Variants in PER3 observed in about 807,000 individuals in gnomAD.
PER3 encodes the protein period circadian protein homolog 3.
PER3 carries 107 observed loss-of-function variants against 127.2 expected under a neutral mutation model. That is an observed-to-expected ratio of 0.84 (90% CI 0.72 to 0.99). The LOEUF is 0.99. PER3 is among the 50% of genes least tolerant of loss of function. The pLI, the probability that PER3 is intolerant of heterozygous loss-of-function variation, is 0.00. For missense variants in PER3, 1,560 were observed against 1,525.8 expected (o/e 1.02, Z -0.37); for synonymous variants, 618 against 585.8 (o/e 1.05, Z -0.79).
chr1:7,805,488 G>A (rs1411182719), intron 10 of PER3, among the ~76,000 whole-genome samples: 2 of 152,144 alleles, frequency 1.3e-5, no homozygotes, highest in African/African-American at 4.8e-5. Context: ...AGCACGTGTA[G>A]AACTTAATGG....
At chr1:7,803,582 A>G in intron 9 of PER3, 110 bp from the exon 10 acceptor site, 1 of 703,622 alleles carries the variant, frequency 1.4e-6, no homozygotes, top group Non-Finnish European at 2.3e-6. Flanking sequence ...AGCGAGACTC[A>G]ATCTCAAAAA....
At chr1:7,835,166 G>A (rs1402203882) in intron 19 of PER3, among the ~76,000 whole-genome samples, 1 of 152,194 alleles carries the variant, frequency 6.6e-6, no homozygotes, top group Admixed American at 6.5e-5. Context: ...CCAGAGAACT[G>A]TAGCAGGATT....
chr1:7,809,320 A>G (rs228667), intron 11 of PER3, among the ~76,000 whole-genome samples: 11,336 of 152,308 alleles, frequency 0.074, 527 homozygotes, highest in Middle Eastern at 0.13. Flanking sequence ...TCAGTTTTAA[A>G]GATGGGAGGA....
intron 10 of PER3, 144 bp from the exon 11 acceptor site, chr1:7,808,749 A>G: frequency 1.6e-6 from 1 of 626,490 alleles, no homozygotes; most frequent in Non-Finnish European, 2.9e-6. Flanking sequence ...ACCTTCATGA[A>G]TAGAATTCTA....
intron 4 of PER3, 94 bp from the exon 5 acceptor site, chr1:7,787,950 CT>C: frequency 3.5e-6 from 3 of 856,708 alleles, no homozygotes; most frequent in Non-Finnish European, 5.9e-6. Flanking sequence ...TTTTAAGATA[CT>C]GGTCATGTTA....
At chr1:7,821,081 A>G (rs2097274380) in intron 16 of PER3, among the ~76,000 whole-genome samples, 1 of 152,232 alleles carries the variant, frequency 6.6e-6, no homozygotes, top group Admixed American at 6.5e-5. Flanking sequence ...TGTGATGGCA[A>G]TGAATAGAGT....
Position 7,826,686 on chromosome 1 carries a change from A to C in PER3, c.2164A>C (p.Lys722Gln). Residue 722 changes from lysine (K) to glutamine (Q), a missense_variant, in exon 17 of 22, where the codon AAA becomes CAA. Around this residue, in one of 3 missense-constraint regions of PER3, gnomAD observed 1,332 missense variants for 1,223.6 expected, o/e 1.09. Coordinates refer to ENST00000377532, the MANE Select transcript of PER3 (RefSeq NM_001377275.1). The surrounding 1 kb of genome is among the most constrained non-coding windows in gnomAD (Gnocchi z 4.2). ...SSYLQQESRS[K>Q]AKYSYFQGDS... Reference sequence around the variant, plus strand: ...CTATCTTCAGCAAGAAAGCAGGAGCAAAGCTAAATATTCATATTTTCAAGG... The same window carrying C: ...CTATCTTCAGCAAGAAAGCAGGAGCCAAGCTAAATATTCATATTTTCAAGG... The C allele has an allele frequency of 1.9e-6, 3 of 1,603,912 alleles. No individual in the cohort carries two copies. Among genetic ancestry groups the C allele is most frequent in the Non-Finnish European group, 2.6e-6 (3 of 1,170,606 alleles).
At chr1:7,786,451 A>G (rs972354588) in intron 3 of PER3, among the ~76,000 whole-genome samples, 1 of 152,020 alleles carries the variant, frequency 6.6e-6, no homozygotes, top group East Asian at 1.9e-4. Context: ...TCCCCCCGCA[A>G]AAAAATTGTG....
intron 21 of PER3, among the ~76,000 whole-genome samples, chr1:7,841,137 T>G (rs2097385414): frequency 6.6e-6 from 1 of 152,092 alleles, no homozygotes; most frequent in African/African-American, 2.4e-5. Flanking sequence ...AAATAATAAA[T>G]CACTAAAAAA....
chr1:7,794,049 T>C, intron 6 of PER3, 41 bp downstream of exon 6: 5 of 1,514,838 alleles, frequency 3.3e-6, no homozygotes, highest in Non-Finnish European at 4.6e-6. Context: ...CAGTGGATTA[T>C]GTTCTGAGTT....
At chr1:7,840,077 CT>C (rs2097377627) in intron 21 of PER3, among the ~76,000 whole-genome samples, 1 of 152,048 alleles carries the variant, frequency 6.6e-6, no homozygotes, top group Non-Finnish European at 1.5e-5. Flanking sequence ...AGTCTTTTTT[CT>C]TTCTGTTCGT....
intron 13 of PER3, among the ~76,000 whole-genome samples, chr1:7,812,784 T>A (rs1415729034): frequency 1.3e-5 from 2 of 152,220 alleles, no homozygotes; most frequent in Non-Finnish European, 2.9e-5. Flanking sequence ...GGAAGATCTC[T>A]TGCCATTTGG....
Position 7,788,077 on chromosome 1 carries a change from T to C in PER3, c.423T>C (p.Ser141=), listed in dbSNP as rs531385815. The change falls in exon 5 of 22, where the codon TCT becomes TCC. Residue 141 remains serine, a synonymous_variant. Coordinates refer to ENST00000377532, the MANE Select transcript of PER3 (RefSeq NM_001377275.1). Reference sequence around the variant, plus strand: ...TTGTGGCAGTATTTTCATTTCTGTCTGGAAGGTTAGTGCACATTTCTGAAC... The same window carrying C: ...TTGTGGCAGTATTTTCATTTCTGTCCGGAAGGTTAGTGCACATTTCTGAAC... ...DTFVAVFSFL[S]GRLVHISEQA... 46 of 1,613,646 alleles carry C rather than the reference T, an allele frequency of 2.9e-5. 1 individual carries two copies. The African/African-American group carries it at 5.2e-4, about 18-fold the overall frequency.
At chr1:7,840,757 A>G (rs2097382730) in intron 21 of PER3, among the ~76,000 whole-genome samples, 1 of 149,822 alleles carries the variant, frequency 6.7e-6, no homozygotes, top group Admixed American at 6.7e-5. Flanking sequence ...GCAAGTGTGT[A>G]CCACCATGCC....
chr1:7,837,043 G>A lies in PER3; in HGVS notation c.3443G>A (p.Ser1148Asn), dbSNP rs766610248. Residue 1148 changes from serine (S) to asparagine (N), a missense_variant, in exon 21 of 22, where the codon AGT becomes AAT. Transcript: ENST00000377532. ...VLKEDLEKLE[S>N]MRQQQPQFSH... ...AAAGAAGACCTGGAAAAGCTAGAAA[G>A]TATGAGGCAGCAGCAGCCCCAGTTT... 10 of 1,614,024 alleles carry A rather than the reference G, an allele frequency of 6.2e-6. No individual in the cohort carries two copies. Among genetic ancestry groups the A allele is most frequent in the South Asian group, 1.1e-5 (1 of 91,066 alleles).
rs146969515 is a variant in PER3, at chr1:7,830,155, G to A, written c.3208G>A (p.Ala1070Thr). ...SESPSRTGSAASGSSDSSIYL... is the reference protein window; with the variant it reads ...SESPSRTGSATSGSSDSSIYL... ...ATCCCCATCCAGAACTGGTTCAGCA[G>A]CATCAGGTAGTGGATCAGGACAACT... Residue 1070 changes from alanine (A) to threonine (T), a missense_variant, in exon 19 of 22, where the codon GCA (alanine) becomes ACA (threonine). By Grantham distance (58) the Ala-to-Thr change is moderately conservative. Transcript: ENST00000377532. 6 of 1,613,214 alleles carry A rather than the reference G, an allele frequency of 3.7e-6. No individual in the cohort carries two copies. The highest frequency in any genetic ancestry group is 5.1e-6 in the Non-Finnish European group (6 of 1,179,304).
chr1:7,808,585 T>C (rs2097206211), intron 10 of PER3, among the ~76,000 whole-genome samples: 1 of 152,214 alleles, frequency 6.6e-6, no homozygotes, highest in Non-Finnish European at 1.5e-5. Context: ...TGAAACCAGT[T>C]ATTTGCTGAA....
intron 14 of PER3, among the ~76,000 whole-genome samples, 171 bp downstream of exon 14, chr1:7,819,591 A>G (rs1006135830): frequency 6.6e-6 from 1 of 152,194 alleles, no homozygotes; most frequent in African/African-American, 2.4e-5. Flanking sequence ...GAAGGCACAA[A>G]AAGCTAGAAG....
chr1:7,796,869 T>C (rs2150591482), intron 6 of PER3, among the ~76,000 whole-genome samples: 1 of 152,314 alleles, frequency 6.6e-6, no homozygotes, highest in East Asian at 1.9e-4. Flanking sequence ...ATGGGTTATA[T>C]TTGGAGTGAG....
Sources: allele counts gnomAD v4.1 joint callset (sites outside exome capture counted in the v4.1 genomes callset), GRCh38; gene constraint gnomAD v4.1.1; regional missense constraint gnomAD v4.1.1; non-coding constraint Gnocchi (gnomAD v3.1); transcripts MANE v1.5; gene names NCBI Gene and HGNC (gene_info 2026-07-23, HGNC 2026-07-21).